The following NHS variants were observed in gnomAD, a reference collection of about 807,000 sequenced individuals.
The protein encoded by NHS is actin remodeling regulator NHS.
A neutral mutation model predicts 72.5 loss-of-function variants in NHS; 5 were observed. That is an observed-to-expected ratio of 0.07 (90% CI 0.04 to 0.14). The LOEUF (loss-of-function observed/expected upper bound fraction) is 0.14. Ranked by LOEUF, NHS falls within the 10% of genes least tolerant of loss-of-function variation. The pLI, the probability that NHS is intolerant of heterozygous loss-of-function variation, is 1.00. For missense variants in NHS, 1,072 were observed against 1,355.7 expected (o/e 0.79, Z 3.29); for synonymous variants, 464 against 547.7 (o/e 0.85, Z 2.13).
intron 1 of NHS, among the ~76,000 whole-genome samples, chrX:17,521,929 T>C (rs1324284967): frequency 1.8e-5 from 2 of 112,586 alleles, no homozygotes; most frequent in Non-Finnish European, 3.8e-5. Context: ...TGTTGGAAAA[T>C]CAGGGTTTGG....
chrX:17,708,418 C>A (rs7888748), intron 3 of NHS, among the ~76,000 whole-genome samples: 2,059 of 111,800 alleles, frequency 0.018, 57 homozygotes, highest in African/African-American at 0.063. Context: ...ACTTGAAATG[C>A]CCTTTCTCCC....
chrX:17,427,146 G>A (rs1256063658), intron 1 of NHS, among the ~76,000 whole-genome samples: 1 of 111,848 alleles, frequency 8.9e-6, no homozygotes, highest in Non-Finnish European at 1.9e-5. Flanking sequence ...GGGGATACAT[G>A]TTTAGGTAAA....
rs185477891 is a variant in NHS, at chrX:17,423,872, C to T, written c.565+47550C>T. Among the ~76,000 whole-genome samples the T allele has an allele frequency of 1.7e-3, 196 of 112,482 alleles. 1 individual carries two copies. The highest frequency in any genetic ancestry group is 2.7e-3 in the Non-Finnish European group (145 of 53,308). ...TCCTCTTGTCAGCAGTTGTGTTTCT[C>T]TTGCCTTTTCTGCATATTTCACAGA... On this transcript the variant is annotated intron_variant, in intron 1 of 8. Coordinates refer to ENST00000676302, the MANE Select transcript of NHS (RefSeq NM_001291867.2).
chrX:17,687,482 G>A (rs1457437136), intron 1 of NHS: 5 of 408,347 alleles, frequency 1.2e-5, no homozygotes, highest in South Asian at 9.8e-5. Flanking sequence ...ATGAAGGTAC[G>A]GAGAGGAAAT....
chrX:17,682,027 C>T lies in NHS; in HGVS notation c.566-5715C>T, dbSNP rs190607295. ...AAAGACTCTGGGAAACTGGCTCTGG[C>T]TTTGGGCTGCTCTGCAGGTGACAGG... On this transcript the variant is annotated intron_variant, in intron 1 of 8. Coordinates refer to ENST00000676302, the MANE Select transcript of NHS (RefSeq NM_001291867.2). Among the ~76,000 whole-genome samples, 10 of 110,938 alleles carry T rather than the reference C, an allele frequency of 9.0e-5. No homozygotes were observed. In the East Asian group the frequency reaches 2.9e-3, roughly 32 times the overall value.
intron 3 of NHS, among the ~76,000 whole-genome samples, chrX:17,706,610 T>C (rs778938307): frequency 6.9e-4 from 77 of 111,526 alleles, no homozygotes; most frequent in African/African-American, 2.2e-3. Context: ...CAGGTGAAGG[T>C]GAGTTCACGC....
chrX:17,522,640 T>C lies in NHS; in HGVS notation c.565+146318T>C, dbSNP rs955742542. On this transcript the variant is annotated intron_variant, in intron 1 of 8. Transcript: ENST00000676302. ...CTGGAAAAGCCGGACTGGATTTCAG[T>C]TCAGGCCTGGCTCAGAGCAAATGTG... Among the ~76,000 whole-genome samples the C allele has an allele frequency of 3.3e-3, 275 of 84,564 alleles. 1 individual carries two copies. Among genetic ancestry groups the C allele is most frequent in the Non-Finnish European group, 5.4e-3 (238 of 43,999 alleles). The allele number at this position is 84,564 out of a possible 115,157, so 73.4% of individuals were successfully genotyped here.
chrX:17,659,683 A>T (rs978158), intron 1 of NHS, among the ~76,000 whole-genome samples: 30,704 of 111,666 alleles, frequency 0.27, 7,791 homozygotes, highest in African/African-American at 0.8. Context: ...TTAAAATCCA[A>T]GTATGATCTT....
chrX:17,549,728 A>G (rs2065320707), intron 1 of NHS, among the ~76,000 whole-genome samples: 1 of 111,763 alleles, frequency 8.9e-6, no homozygotes. Flanking sequence ...TCTCAGAGGT[A>G]GAAGGGCAGC....
intron 1 of NHS, among the ~76,000 whole-genome samples, chrX:17,407,088 G>A (rs957270340): frequency 5.4e-5 from 6 of 111,361 alleles, no homozygotes; most frequent in Non-Finnish European, 1.1e-4. Context: ...ACATCTGCTG[G>A]CATCATCTCC....
intron 1 of NHS, among the ~76,000 whole-genome samples, chrX:17,498,686 A>C (rs774626643): frequency 9.0e-6 from 1 of 111,663 alleles, no homozygotes; most frequent in Non-Finnish European, 1.9e-5. Flanking sequence ...CTGGAAAAAC[A>C]AGATGCTCAG....
At chrX:17,600,276 C>CAG (rs1283871088) in intron 1 of NHS, among the ~76,000 whole-genome samples, 1 of 96,247 alleles carries the variant, frequency 1.0e-5, no homozygotes, top group African/African-American at 3.7e-5. Context: ...GCAGCTGAGA[C>CAG]AGAGAGAGAC....
chrX:17,712,550 G>T (rs114530564), intron 3 of NHS, among the ~76,000 whole-genome samples: 13,205 of 106,470 alleles, frequency 0.12, 1,900 homozygotes, highest in African/African-American at 0.4. Flanking sequence ...ATGCTTTTTT[G>T]TGTTTTAAAT....
intron 3 of NHS, among the ~76,000 whole-genome samples, chrX:17,705,031 C>T (rs2066288131): frequency 8.9e-6 from 1 of 112,124 alleles, no homozygotes; most frequent in African/African-American, 3.2e-5. Flanking sequence ...CTCACTTTCT[C>T]AGACTGGATG....
intron 1 of NHS, among the ~76,000 whole-genome samples, chrX:17,390,320 T>C (rs1376433192): frequency 2.7e-5 from 3 of 112,336 alleles, no homozygotes; most frequent in Non-Finnish European, 5.6e-5. Context: ...ATTTTAATAA[T>C]GCGAGGAAAG....
At chrX:17,696,103 C>A (rs1255709212) in intron 3 of NHS, among the ~76,000 whole-genome samples, 2 of 111,657 alleles carry the variant, frequency 1.8e-5, no homozygotes, top group Non-Finnish European at 3.8e-5. Flanking sequence ...AGCATCTCAA[C>A]CTTTTCTTTA....
At chrX:17,446,556 T>C (rs1194161967) in intron 1 of NHS, among the ~76,000 whole-genome samples, 1 of 107,488 alleles carries the variant, frequency 9.3e-6, no homozygotes, top group Non-Finnish European at 1.9e-5. Flanking sequence ...CCTTTACCTA[T>C]CCAAATCCTA....
chrX:17,675,380 G>C (rs1191951829), intron 1 of NHS, among the ~76,000 whole-genome samples: 1 of 112,277 alleles, frequency 8.9e-6, no homozygotes, highest in African/African-American at 3.2e-5. Flanking sequence ...TCTTAGATTT[G>C]AATTGGCAAT....
chrX:17,443,330 A>C (rs1174115647), intron 1 of NHS, among the ~76,000 whole-genome samples: 2 of 111,500 alleles, frequency 1.8e-5, no homozygotes, highest in African/African-American at 6.5e-5. Flanking sequence ...ATATAGATAG[A>C]GGTTCTTTGA....
Sources: gnomAD v4.1 joint callset for allele counts (sites outside exome capture counted in the v4.1 genomes callset) on GRCh38, gnomAD v4.1.1 for gene constraint, MANE v1.5 for transcripts, NCBI Gene and HGNC (gene_info 2026-07-23, HGNC 2026-07-21) for gene names.